The following FER variants were observed in gnomAD, a reference collection of about 807,000 sequenced individuals.
FER encodes the protein FER tyrosine kinase, also known as tyrosine-protein kinase Fer.
Under a neutral mutation model 111.0 loss-of-function variants are expected in FER, and 63 were observed. The ratio of observed to expected loss-of-function variants is 0.57; its 90% confidence interval spans 0.46 to 0.70. The LOEUF is 0.70. Among genes scored for constraint, FER ranks in the 30% least tolerant of loss-of-function variants. The pLI is 0.00. For synonymous variants in FER, 327 were observed against 313.9 expected (o/e 1.04, Z -0.44); for missense variants, 914 against 954.0 (o/e 0.96, Z 0.55).
intron 13 of FER, among the ~76,000 whole-genome samples, chr5:109,000,262 AT>A (rs1443517563): frequency 6.6e-6 from 1 of 151,982 alleles, no homozygotes; most frequent in Admixed American, 6.6e-5. Flanking sequence ...CATAAACAGA[AT>A]TTTAAAATTA....
chr5:108,950,647 C>T (rs1015637364), intron 11 of FER, among the ~76,000 whole-genome samples: 1 of 151,980 alleles, frequency 6.6e-6, no homozygotes, highest in African/African-American at 2.4e-5. Flanking sequence ...AAGATTAATT[C>T]AATAGATTCA....
chr5:108,843,282 A>G (rs999888567), intron 5 of FER, among the ~76,000 whole-genome samples: 4 of 152,182 alleles, frequency 2.6e-5, no homozygotes, highest in African/African-American at 9.7e-5. Flanking sequence ...TCCATCATCT[A>G]TCTATCTATG....
chr5:109,107,187 T>C (rs1749039782), intron 17 of FER, among the ~76,000 whole-genome samples: 1 of 152,208 alleles, frequency 6.6e-6, no homozygotes, highest in Non-Finnish European at 1.5e-5. Context: ...TTTTTTCCAG[T>C]CAATTACAAT....
At chr5:108,860,247 A>ATT (rs111373307) in intron 5 of FER, among the ~76,000 whole-genome samples, 3,329 of 150,856 alleles carry the variant, frequency 0.022, 50 homozygotes, top group African/African-American at 0.039. Context: ...GGCCATACCT[A>ATT]TTTTTGTTTT....
intron 13 of FER, among the ~76,000 whole-genome samples, chr5:109,013,865 C>T (rs1766661177): frequency 6.6e-6 from 1 of 151,566 alleles, no homozygotes. Flanking sequence ...TGTTTTTTGG[C>T]TGCATAAATG....
intron 17 of FER, among the ~76,000 whole-genome samples, chr5:109,113,634 C>A (rs1749889445): frequency 6.6e-6 from 1 of 152,144 alleles, no homozygotes; most frequent in Admixed American, 6.6e-5. Flanking sequence ...AGCCGGGAAC[C>A]TCTTGAAGGG....
chr5:108,900,207 G>A (rs1362230336), intron 10 of FER, among the ~76,000 whole-genome samples: 1 of 152,178 alleles, frequency 6.6e-6, no homozygotes, highest in African/African-American at 2.4e-5. Flanking sequence ...ATTAATGCCA[G>A]TTAATGAGAT....
chr5:109,047,342 A>T (rs1420956224), intron 16 of FER, 144 bp downstream of exon 16: 1 of 519,260 alleles, frequency 1.9e-6, no homozygotes, highest in African/African-American at 2.0e-5. Flanking sequence ...GTCTGTACCT[A>T]TAGTCAGTAT....
intron 11 of FER, among the ~76,000 whole-genome samples, chr5:108,946,946 A>G (rs1471346085): frequency 6.6e-6 from 1 of 152,052 alleles, no homozygotes; most frequent in Non-Finnish European, 1.5e-5. Flanking sequence ...AAAATCATAC[A>G]ATATGTGACC....
chr5:109,119,019 T>C (rs1396776083), intron 17 of FER, among the ~76,000 whole-genome samples: 1 of 152,084 alleles, frequency 6.6e-6, no homozygotes, highest in African/African-American at 2.4e-5. Context: ...TCAGTTCTGC[T>C]CTGATCTTAG....
chr5:108,947,400 C>T (rs924979984), intron 11 of FER, among the ~76,000 whole-genome samples: 2 of 151,914 alleles, frequency 1.3e-5, no homozygotes, highest in Admixed American at 6.6e-5. Flanking sequence ...TTCTAGTGGG[C>T]GTGAAGTAGT....
intron 13 of FER, among the ~76,000 whole-genome samples, chr5:108,968,428 G>A (rs904539224): frequency 1.3e-5 from 2 of 152,052 alleles, no homozygotes; most frequent in Non-Finnish European, 2.9e-5. Context: ...TGTGAAGAAT[G>A]TACCCTTAAA....
intron 8 of FER, among the ~76,000 whole-genome samples, chr5:108,874,399 T>G (rs1764886893): frequency 6.6e-6 from 1 of 152,192 alleles, no homozygotes; most frequent in South Asian, 2.1e-4. Context: ...GTAGAAGTTT[T>G]AATTGCTCAC....
chr5:108,886,478 T>C (rs2150296333), intron 9 of FER, among the ~76,000 whole-genome samples: 1 of 150,410 alleles, frequency 6.6e-6, no homozygotes, highest in African/African-American at 2.4e-5. Flanking sequence ...TACATATATA[T>C]ATATGTTAAC....
intron 1 of FER, among the ~76,000 whole-genome samples, chr5:108,765,618 C>T: frequency 6.6e-6 from 1 of 152,256 alleles, no homozygotes; most frequent in East Asian, 1.9e-4. Flanking sequence ...GGCATGGAAT[C>T]TCAGTTGAAT....
intron 4 of FER, among the ~76,000 whole-genome samples, chr5:108,833,324 A>G (rs1023627366): frequency 4.6e-5 from 7 of 152,270 alleles, no homozygotes; most frequent in African/African-American, 1.7e-4. Flanking sequence ...AAATTTACGT[A>G]TCCCTCATTT....
At chr5:108,781,979 G>A (rs904903022) in intron 2 of FER, among the ~76,000 whole-genome samples, 3 of 151,770 alleles carry the variant, frequency 2.0e-5, no homozygotes, top group Non-Finnish European at 4.4e-5. Flanking sequence ...ATTTACTGGA[G>A]GTGAAACTAA....
At chr5:109,080,500 T>G (rs911239995) in intron 16 of FER, among the ~76,000 whole-genome samples, 1 of 152,142 alleles carries the variant, frequency 6.6e-6, no homozygotes, top group Non-Finnish European at 1.5e-5. Flanking sequence ...GATTTTCAGG[T>G]ATCGGTGAAA....
intron 10 of FER, chr5:108,924,839 T>C: frequency 8.4e-7 from 1 of 1,196,872 alleles, no homozygotes; most frequent in Admixed American, 4.2e-5. Context: ...CCCCAGACAT[T>C]ATCTAAGAGT....
Sources: allele counts gnomAD v4.1 joint callset (sites outside exome capture counted in the v4.1 genomes callset), GRCh38; gene constraint gnomAD v4.1.1; transcripts MANE v1.5; gene names NCBI Gene and HGNC (gene_info 2026-07-23, HGNC 2026-07-21).